RAPGEF4: variants seen among roughly 807,000 people sequenced by gnomAD.
RAPGEF4 encodes the protein Rap guanine nucleotide exchange factor 4, also known as RAP guanine-nucleotide-exchange factor (GEF) 4.
RAPGEF4 carries 66 observed loss-of-function variants against 147.9 expected under a neutral mutation model. That is an observed-to-expected ratio of 0.45 (90% confidence interval 0.37 to 0.55). The LOEUF is 0.55. Ranked by LOEUF, RAPGEF4 falls within the 20% of genes least tolerant of loss-of-function variation. The probability of loss-of-function intolerance (pLI) is 0.00; values close to 1 mark genes in which losing one functional copy is unlikely to be tolerated. For synonymous variants in RAPGEF4, 419 were observed against 442.7 expected (o/e 0.95, Z 0.67); for missense variants, 1,071 against 1,257.3 (o/e 0.85, Z 2.24).
At chr2:172,817,541 G>A (rs1352654528) in intron 4 of RAPGEF4, among the ~76,000 whole-genome samples, 1 of 152,086 alleles carries the variant, frequency 6.6e-6, no homozygotes, top group African/African-American at 2.4e-5. Flanking sequence ...ATATCAAAAG[G>A]GAAGAACTAT....
At chr2:173,013,147 G>A (rs747459301) in intron 17 of RAPGEF4, among the ~76,000 whole-genome samples, 13 of 152,186 alleles carry the variant, frequency 8.5e-5, no homozygotes, top group African/African-American at 1.7e-4. Context: ...CCTTGATCAT[G>A]ATTATTTATA....
intron 29 of RAPGEF4, among the ~76,000 whole-genome samples, chr2:173,038,916 A>T (rs1684392904): frequency 6.6e-6 from 1 of 152,166 alleles, no homozygotes. Flanking sequence ...TGCAAGGAAA[A>T]GTCAAGGTCA....
intron 5 of RAPGEF4, among the ~76,000 whole-genome samples, chr2:172,918,371 CCACA>C (rs377074360): frequency 0.2 from 27,747 of 137,534 alleles, 3,143 homozygotes; most frequent in Non-Finnish European, 0.27. Context: ...GATGCTCTTA[CCACA>C]CACACACACA....
intron 4 of RAPGEF4, among the ~76,000 whole-genome samples, chr2:172,841,805 C>T (rs928932345): frequency 1.5e-5 from 2 of 137,406 alleles, no homozygotes; most frequent in African/African-American, 5.5e-5. Context: ...CACACACACA[C>T]ACACACACAC....
chr2:173,048,617 G>T lies in RAPGEF4; in HGVS notation c.2871G>T (p.Thr957=), dbSNP rs374551930. 8 of 1,613,564 alleles carry T rather than the reference G, an allele frequency of 5.0e-6. No individual in the cohort carries two copies. The highest frequency in any genetic ancestry group is 2.7e-5 in the African/African-American group (2 of 74,786). Residue 957 remains threonine (T), a synonymous_variant, in exon 30 of 31, where the codon ACG becomes ACT. Transcript: ENST00000397081. ...CCTTTTAGCGCATGATTGCAAATAC[G>T]GCCAGAACAGTGAGATACTACAGGA... ...NFEKMRMIAN[T]ARTVRYYRSQ... is the part of the protein sequence containing the mutation.
chr2:172,786,479 A>G (rs1250621517), intron 1 of RAPGEF4, among the ~76,000 whole-genome samples: 3 of 152,236 alleles, frequency 2.0e-5, no homozygotes, highest in Admixed American at 2.0e-4. Flanking sequence ...ATGAATGAGC[A>G]TTCATGAAAG....
chr2:172,880,078 C>T (rs1158659793), intron 4 of RAPGEF4, among the ~76,000 whole-genome samples: 1 of 152,142 alleles, frequency 6.6e-6, no homozygotes, highest in African/African-American at 2.4e-5. Flanking sequence ...GCTGAGACAG[C>T]GACTTACCTG....
intron 4 of RAPGEF4, among the ~76,000 whole-genome samples, chr2:172,887,752 C>A (rs532379770): frequency 4.1e-4 from 63 of 152,170 alleles, no homozygotes; most frequent in Admixed American, 5.9e-4. Context: ...GCTTGCCGAA[C>A]CTTTTCGTGC....
intron 6 of RAPGEF4, among the ~76,000 whole-genome samples, chr2:172,935,034 A>G (rs768815869): frequency 3.3e-5 from 5 of 152,094 alleles, no homozygotes; most frequent in Admixed American, 2.0e-4. Context: ...AAAATTAACC[A>G]GGTATGGTGG....
intron 4 of RAPGEF4, among the ~76,000 whole-genome samples, chr2:172,829,280 G>A (rs1471573722): frequency 3.9e-5 from 6 of 152,230 alleles, no homozygotes; most frequent in Non-Finnish European, 5.9e-5. Context: ...CGTGGCAAGA[G>A]CTCACCTTGG....
At chr2:172,787,023 A>T (rs2149524642) in intron 1 of RAPGEF4, among the ~76,000 whole-genome samples, 1 of 152,292 alleles carries the variant, frequency 6.6e-6, no homozygotes, top group African/African-American at 2.4e-5. Context: ...CAGCCTGGCC[A>T]ACGTGGTGAA....
intron 22 of RAPGEF4, 130 bp downstream of exon 22, chr2:173,018,932 A>G: frequency 9.8e-7 from 1 of 1,021,208 alleles, no homozygotes; most frequent in Non-Finnish European, 1.4e-6. Context: ...GTATGCTTCC[A>G]CTAATAACAG....
chr2:172,921,380 A>C (rs1260523117), intron 5 of RAPGEF4, among the ~76,000 whole-genome samples: 1 of 152,132 alleles, frequency 6.6e-6, no homozygotes, highest in Admixed American at 6.6e-5. Context: ...GAGCCACTGC[A>C]TCCAGCTAGC....
At chr2:172,914,715 G>T (rs1380980815) in intron 4 of RAPGEF4, among the ~76,000 whole-genome samples, 3 of 152,132 alleles carry the variant, frequency 2.0e-5, no homozygotes, top group African/African-American at 4.8e-5. Context: ...TGCCTCTGAG[G>T]TTGTATCATT....
chr2:172,751,168 A>G (rs1269455560), intron 1 of RAPGEF4, among the ~76,000 whole-genome samples: 1 of 152,178 alleles, frequency 6.6e-6, no homozygotes, highest in African/African-American at 2.4e-5. Flanking sequence ...GTTGTAGGAA[A>G]AGGATCTGAT....
chr2:172,893,328 G>A (rs1276436350), intron 4 of RAPGEF4, among the ~76,000 whole-genome samples: 2 of 152,214 alleles, frequency 1.3e-5, no homozygotes, highest in African/African-American at 4.8e-5. Flanking sequence ...AGCAGCTGGG[G>A]CCCAGTTGGA....
chr2:172,938,764 A>G (rs1376660456), intron 6 of RAPGEF4, among the ~76,000 whole-genome samples: 1 of 152,186 alleles, frequency 6.6e-6, no homozygotes, highest in Non-Finnish European at 1.5e-5. Flanking sequence ...AGTGCCATGT[A>G]TGCACCATTA....
intron 1 of RAPGEF4, among the ~76,000 whole-genome samples, chr2:172,751,783 C>T (rs10190809): frequency 0.013 from 1,910 of 152,280 alleles, 47 homozygotes; most frequent in African/African-American, 0.044. Context: ...GGTGCAAACA[C>T]AGGCTGAATC....
chr2:172,888,483 G>A (rs1697504284), intron 4 of RAPGEF4, among the ~76,000 whole-genome samples: 1 of 152,204 alleles, frequency 6.6e-6, no homozygotes, highest in Non-Finnish European at 1.5e-5. Flanking sequence ...GGAAGAAATG[G>A]ATTATTTGTT....
Sources: gnomAD v4.1 joint callset for allele counts (sites outside exome capture counted in the v4.1 genomes callset) on GRCh38, gnomAD v4.1.1 for gene constraint, MANE v1.5 for transcripts, NCBI Gene and HGNC (gene_info 2026-07-23, HGNC 2026-07-21) for gene names.